Variants in RASSF6 observed in about 807,000 individuals in gnomAD.
The protein encoded by RASSF6 is ras association domain-containing protein 6.
A neutral mutation model predicts 44.0 loss-of-function variants in RASSF6; 52 were observed. The observed-to-expected ratio is 1.18, with a 90% CI of 0.95 to 1.49. RASSF6 has a LOEUF of 1.49. RASSF6 is among the 40% of genes most tolerant of loss of function. The probability of loss-of-function intolerance (pLI) is 0.00; values close to 1 mark genes in which losing one functional copy is unlikely to be tolerated. For missense variants in RASSF6, 464 were observed against 393.3 expected (o/e 1.18, Z -1.52); for synonymous variants, 162 against 124.6 (o/e 1.30, Z -2.00).
rs770459073 is a variant in RASSF6, at chr4:73,576,186, T to A, written c.*49A>T. The A allele has an allele frequency of 9.9e-7, 1 of 1,007,442 alleles. No individual in the cohort carries two copies. Among genetic ancestry groups the A allele is most frequent in the South Asian group, 1.4e-5 (1 of 68,988 alleles). 62.4% of individuals were successfully genotyped at this position (1,007,442 alleles called of 1,614,324 possible). Reference sequence around the variant, plus strand: ...CAGAACTTATGCATTCATCAAAGAGTAATATCTCTGAGTTTTTTGAAATGT... The same window carrying A: ...CAGAACTTATGCATTCATCAAAGAGAAATATCTCTGAGTTTTTTGAAATGT... On this transcript the variant is annotated 3_prime_UTR_variant, in exon 11 of 11. Transcript: ENST00000307439.
At chr4:73,610,330 T>C (rs981731001) in intron 2 of RASSF6, among the ~76,000 whole-genome samples, 1 of 152,194 alleles carries the variant, frequency 6.6e-6, no homozygotes, top group African/African-American at 2.4e-5. Flanking sequence ...CACCCTGGAC[T>C]GTCAGCTCCT....
chr4:73,585,389 A>G (rs1384535989), intron 5 of RASSF6, 25 bp from the exon 6 acceptor site: 5 of 1,484,764 alleles, frequency 3.4e-6, no homozygotes, highest in Admixed American at 2.2e-5. Flanking sequence ...TTATAAGCTC[A>G]TATCATTCAG....
At chr4:73,601,725 A>G (rs1460016015) in intron 2 of RASSF6, among the ~76,000 whole-genome samples, 1 of 152,270 alleles carries the variant, frequency 6.6e-6, no homozygotes. Flanking sequence ...TTTGAAGATG[A>G]TTAGTTTATG....
chr4:73,605,523 A>G (rs188815343), intron 2 of RASSF6, among the ~76,000 whole-genome samples: 1 of 152,216 alleles, frequency 6.6e-6, no homozygotes, highest in East Asian at 1.9e-4. Context: ...ATCTGGTTCA[A>G]ATGATGAAGA....
At position 73,575,120 on chromosome 4, in the gene RASSF6, G is replaced by A. The variant is rs1438941401; in HGVS notation, c.*1115C>T. 1 of 152,030 alleles carries A rather than the reference G, an allele frequency of 6.6e-6. No homozygotes were observed. The highest frequency in any genetic ancestry group is 1.5e-5 in the Non-Finnish European group (1 of 68,004). The allele number at this position is 152,030 out of a possible 1,614,324, so 9.4% of individuals were successfully genotyped here. On this transcript the variant is annotated 3_prime_UTR_variant, in exon 11 of 11. Transcript: ENST00000307439. ...TTAATATTGTTAATCTTCCAGTTGGGTTTACTGCATATAATCTCATTCCTT... is the reference window on the plus strand; with the variant it reads ...TTAATATTGTTAATCTTCCAGTTGGATTTACTGCATATAATCTCATTCCTT...
At chr4:73,616,964 T>C (rs1726404049) in intron 1 of RASSF6, among the ~76,000 whole-genome samples, 1 of 152,208 alleles carries the variant, frequency 6.6e-6, no homozygotes, top group African/African-American at 2.4e-5. Flanking sequence ...ATCCAGTATC[T>C]AGTTCTCTCA....
chr4:73,583,854 C>T (rs991115794), intron 6 of RASSF6, among the ~76,000 whole-genome samples: 8 of 152,108 alleles, frequency 5.3e-5, no homozygotes, highest in Admixed American at 1.3e-4. Context: ...GAAACTTGCT[C>T]AGCAAGAATG....
chr4:73,611,896 G>T lies in RASSF6; in HGVS notation c.-34-67C>A. ...ATTAAAAAATTAGTTTCTGATTTAA[G>T]TTGAGTGTTTTGTTGTGTCTCTAGA... On this transcript the variant is annotated intron_variant, in intron 1 of 10. Transcript: ENST00000307439. The T allele has an allele frequency of 5.3e-6, 6 of 1,141,376 alleles. No homozygotes were observed. In the South Asian group the frequency reaches 7.9e-5, roughly 15 times the overall value. The allele number at this position is 1,141,376 out of a possible 1,614,324, so 70.7% of individuals were successfully genotyped here.
Position 73,576,642 on chromosome 4 carries a change from C to G in RASSF6, c.811G>C (p.Asp271His). The change falls in exon 9 of 11, where the codon GAT becomes CAT. Residue 271 changes from aspartate (D) to histidine (H), a missense_variant. Transcript: ENST00000307439. ...SEKNARIFLMDKDAEEISSDV... is the reference protein window; with the variant it reads ...SEKNARIFLMHKDAEEISSDV... ...CTGCTAATTTCTTCTGCATCTTTAT[C>G]CATGAGGAAAATGCGAGCATTCTTT... 3 of 1,613,448 alleles carry G rather than the reference C, an allele frequency of 1.9e-6. No individual in the cohort carries two copies. The highest frequency in any genetic ancestry group is 2.5e-6 in the Non-Finnish European group (3 of 1,179,540).
intron 1 of RASSF6, among the ~76,000 whole-genome samples, chr4:73,619,973 C>T (rs907449552): frequency 6.6e-6 from 1 of 152,034 alleles, no homozygotes; most frequent in Non-Finnish European, 1.5e-5. Flanking sequence ...CGATTTTTGC[C>T]AGGCACAATT....
At position 73,579,067 on chromosome 4, in the gene RASSF6, G is replaced by T. The variant is rs577745229; in HGVS notation, c.722-2336C>A. Among the ~76,000 whole-genome samples, 4 of 152,164 alleles carry T rather than the reference G, an allele frequency of 2.6e-5. No homozygotes were observed. The East Asian group carries it at 7.7e-4, about 29-fold the overall frequency. The stretch of plus-strand genomic sequence containing the variant: ...GAGCTTGTAACTGTTTAAAAAATGG[G>T]ATCTTTTATATATACCTTTAGGCAT... On this transcript the variant is annotated intron_variant, in intron 8 of 10. Coordinates refer to ENST00000307439, the MANE Select transcript of RASSF6 (RefSeq NM_177532.5).
chr4:73,620,151 C>T (rs1247593), intron 1 of RASSF6, 137 bp downstream of exon 1: 116,070 of 448,026 alleles, frequency 0.26, 16,672 homozygotes, highest in Admixed American at 0.4. Context: ...AAGGAAAAGG[C>T]ATGTGTGCGA....
intron 1 of RASSF6, among the ~76,000 whole-genome samples, chr4:73,612,378 C>T (rs1169547652): frequency 2.6e-5 from 4 of 151,798 alleles, no homozygotes; most frequent in Admixed American, 2.0e-4. Context: ...CTGTTCATTC[C>T]ATTTTGCAAA....
At chr4:73,606,972 C>G (rs139644655) in intron 2 of RASSF6, among the ~76,000 whole-genome samples, 1 of 152,272 alleles carries the variant, frequency 6.6e-6, no homozygotes, top group East Asian at 1.9e-4. Flanking sequence ...TGAGCACGAG[C>G]CTGAAAACGG....
chr4:73,607,408 TG>T (rs1303475316), intron 2 of RASSF6, among the ~76,000 whole-genome samples: 2 of 152,204 alleles, frequency 1.3e-5, no homozygotes, highest in Non-Finnish European at 2.9e-5. Flanking sequence ...GCAGATTTCC[TG>T]TGTCAGAAAC....
chr4:73,607,106 G>A (rs1578059008), intron 2 of RASSF6, among the ~76,000 whole-genome samples: 1 of 152,276 alleles, frequency 6.6e-6, no homozygotes, highest in East Asian at 1.9e-4. Flanking sequence ...CAAACTCCTT[G>A]CTGCTATTCA....
chr4:73,613,306 A>G (rs1295305859), intron 1 of RASSF6, among the ~76,000 whole-genome samples: 2 of 152,152 alleles, frequency 1.3e-5, no homozygotes, highest in African/African-American at 4.8e-5. Context: ...CAGAAGCCAC[A>G]TGGGCATTTT....
At chr4:73,602,050 C>T (rs1660359499) in intron 2 of RASSF6, among the ~76,000 whole-genome samples, 1 of 151,918 alleles carries the variant, frequency 6.6e-6, no homozygotes, top group African/African-American at 2.4e-5. Context: ...GTTTACCTGG[C>T]AAAGAAACAA....
At chr4:73,602,487 C>T (rs1725337324) in intron 2 of RASSF6, among the ~76,000 whole-genome samples, 1 of 152,210 alleles carries the variant, frequency 6.6e-6, no homozygotes, top group African/African-American at 2.4e-5. Context: ...AAGGCAATCA[C>T]TAAAGTGTTA....
Sources: allele counts gnomAD v4.1 joint callset (sites outside exome capture counted in the v4.1 genomes callset), GRCh38; gene constraint gnomAD v4.1.1; transcripts MANE v1.5; gene names NCBI Gene and HGNC (gene_info 2026-07-23, HGNC 2026-07-21).